The following FRMD4A variants were observed in gnomAD, a reference collection of about 807,000 sequenced individuals.
FRMD4A encodes FERM domain-containing protein 4A.
In FRMD4A, 29 loss-of-function variants were observed where a neutral mutation model predicts 129.1. That is an observed-to-expected ratio of 0.22 (90% CI 0.17 to 0.31). FRMD4A has a LOEUF of 0.31. FRMD4A is among the 10% of genes least tolerant of loss of function. FRMD4A has a pLI of 1.00. For synonymous variants in FRMD4A, 634 were observed against 571.6 expected (o/e 1.11, Z -1.56); for missense variants, 1,272 against 1,375.8 (o/e 0.92, Z 1.19).
chr10:13,716,764 C>G (rs1206663510), intron 12 of FRMD4A, among the ~76,000 whole-genome samples: 2 of 152,132 alleles, frequency 1.3e-5, no homozygotes, highest in African/African-American at 4.8e-5. Context: ...CTTGACAAGC[C>G]CATTGAGACG....
intron 2 of FRMD4A, among the ~76,000 whole-genome samples, chr10:14,118,631 A>G (rs954988506): frequency 5.9e-5 from 9 of 152,198 alleles, no homozygotes; most frequent in African/African-American, 1.7e-4. Flanking sequence ...AGGCCTCACA[A>G]TCATGGTGGA....
intron 3 of FRMD4A, among the ~76,000 whole-genome samples, chr10:13,820,396 G>C (rs1198838001): frequency 6.6e-6 from 1 of 152,180 alleles, no homozygotes; most frequent in Non-Finnish European, 1.5e-5. Context: ...TCTGGGCTGG[G>C]AAGGCAGGCG....
intron 2 of FRMD4A, among the ~76,000 whole-genome samples, chr10:13,954,557 C>A (rs2095396512): frequency 6.6e-6 from 1 of 152,110 alleles, no homozygotes; most frequent in Non-Finnish European, 1.5e-5. Context: ...TGGGTGGGGA[C>A]ACAGCCAAAT....
intron 2 of FRMD4A, among the ~76,000 whole-genome samples, chr10:14,091,037 T>C (rs562132491): frequency 3.7e-4 from 56 of 152,216 alleles, no homozygotes; most frequent in African/African-American, 1.3e-3. Flanking sequence ...CCTGACAGCA[T>C]AGACCAGCAA....
At chr10:13,857,324 A>G (rs1410705658) in intron 3 of FRMD4A, among the ~76,000 whole-genome samples, 1 of 152,222 alleles carries the variant, frequency 6.6e-6, no homozygotes, top group Non-Finnish European at 1.5e-5. Context: ...CATAACTTAG[A>G]AAATGTTAGC....
chr10:14,094,704 G>A (rs1329554038), intron 2 of FRMD4A, among the ~76,000 whole-genome samples: 6 of 152,168 alleles, frequency 3.9e-5, no homozygotes, highest in African/African-American at 1.2e-4. Flanking sequence ...GTGATCTTTG[G>A]TGACTCTGTT....
chr10:14,131,960 C>T (rs978739735), intron 2 of FRMD4A, among the ~76,000 whole-genome samples: 2 of 152,120 alleles, frequency 1.3e-5, no homozygotes, highest in Non-Finnish European at 1.5e-5. Context: ...ACAGTCATGC[C>T]GGCAATTTCT....
At chr10:13,806,749 G>A (rs2093363505) in intron 4 of FRMD4A, among the ~76,000 whole-genome samples, 1 of 152,206 alleles carries the variant, frequency 6.6e-6, no homozygotes, top group African/African-American at 2.4e-5. Flanking sequence ...TTTATAAAGT[G>A]TCCCAGGTAA....
chr10:14,009,848 C>T (rs2095675048), intron 2 of FRMD4A, among the ~76,000 whole-genome samples: 1 of 152,128 alleles, frequency 6.6e-6, no homozygotes, highest in Non-Finnish European at 1.5e-5. Flanking sequence ...ACGGCTCACA[C>T]GGCGTCTTTG....
chr10:13,929,473 G>T (rs938834439), intron 2 of FRMD4A, among the ~76,000 whole-genome samples: 2 of 152,184 alleles, frequency 1.3e-5, no homozygotes, highest in Non-Finnish European at 1.5e-5. Context: ...AGAGCCTGGT[G>T]GGGGAGCAGT....
chr10:14,185,747 G>C lies in FRMD4A; in HGVS notation c.45+144311C>G, dbSNP rs539451406. Among the ~76,000 whole-genome samples the C allele has an allele frequency of 3.9e-5, 6 of 152,330 alleles. No homozygotes were observed. The South Asian group carries it at 1.2e-3, about 32-fold the overall frequency. On this transcript the variant is annotated intron_variant, in intron 2 of 24. Transcript: ENST00000357447. ...GAGAGAAGGGATGGCAACAGCAGTA[G>C]ACCAGGCTAGTACCAGCCAAAGCAA... is the stretch of plus-strand genomic sequence containing the variant.
At chr10:14,138,165 A>G (rs2131837765) in intron 2 of FRMD4A, among the ~76,000 whole-genome samples, 1 of 152,302 alleles carries the variant, frequency 6.6e-6, no homozygotes, top group South Asian at 2.1e-4. Flanking sequence ...AAACTTGTTC[A>G]TTCATTCACA....
In FRMD4A at chr10:13,887,297, A is replaced by C. The variant is rs2094634790; in HGVS notation, c.46-28385T>G. On this transcript the variant is annotated intron_variant, in intron 2 of 24. Transcript: ENST00000357447. ...CCTCTATTACTTTCCAACAACTGTG[A>C]CTTTTATTCTTAGCAGTGACTTCCA... Among the ~76,000 whole-genome samples, 5 of 152,322 alleles carry C rather than the reference A, an allele frequency of 3.3e-5. No homozygotes were observed. The South Asian group carries it at 1.0e-3, about 32-fold the overall frequency.
chr10:13,693,636 A>G, intron 15 of FRMD4A: 1 of 667,114 alleles, frequency 1.5e-6, no homozygotes, highest in Admixed American at 2.7e-5. Flanking sequence ...ACCTGAAGAC[A>G]CTTAAGTGTG....
chr10:13,677,336 C>T (rs1564585777), intron 15 of FRMD4A, among the ~76,000 whole-genome samples: 2 of 152,282 alleles, frequency 1.3e-5, no homozygotes, highest in Non-Finnish European at 2.9e-5. Context: ...AATGAACAAC[C>T]AAATAAATGT....
At chr10:13,853,911 AG>A (rs1448493122) in intron 3 of FRMD4A, among the ~76,000 whole-genome samples, 1 of 150,324 alleles carries the variant, frequency 6.7e-6, no homozygotes, top group Non-Finnish European at 1.5e-5. Flanking sequence ...AGTGATGGGG[AG>A]AAGCACTGAA....
chr10:14,301,824 A>G (rs1846194924), intron 2 of FRMD4A, among the ~76,000 whole-genome samples: 1 of 152,164 alleles, frequency 6.6e-6, no homozygotes, highest in Admixed American at 6.5e-5. Flanking sequence ...GGGGAAATTG[A>G]GCTTGTGATT....
intron 3 of FRMD4A, among the ~76,000 whole-genome samples, chr10:13,840,662 C>A (rs1164387783): frequency 6.6e-6 from 1 of 151,702 alleles, no homozygotes; most frequent in Admixed American, 6.6e-5. Flanking sequence ...GTGGCACATG[C>A]CTGTAATCCC....
At chr10:14,070,379 G>A (rs541281204) in intron 2 of FRMD4A, among the ~76,000 whole-genome samples, 9 of 152,088 alleles carry the variant, frequency 5.9e-5, no homozygotes, top group African/African-American at 1.7e-4. Flanking sequence ...ACTACAATCC[G>A]CATCCTTCAT....
Sources: allele counts gnomAD v4.1 joint callset (sites outside exome capture counted in the v4.1 genomes callset), GRCh38; gene constraint gnomAD v4.1.1; transcripts MANE v1.5; gene names NCBI Gene and HGNC (gene_info 2026-07-23, HGNC 2026-07-21).